CDH13: variants seen among roughly 807,000 people sequenced by gnomAD.
The protein encoded by CDH13 is cadherin-13.
CDH13 carries 24 observed loss-of-function variants against 63.8 expected under a neutral mutation model. The observed-to-expected ratio is 0.38, with a 90% CI of 0.27 to 0.53. The LOEUF is 0.53. Ranked by LOEUF, CDH13 falls within the 20% of genes least tolerant of loss-of-function variation. The pLI is 0.85. For synonymous variants in CDH13, 503 were observed against 355.3 expected, an observed-to-expected ratio of 1.42 and a Z score of -4.67; for missense variants, 1,049 against 903.1, an observed-to-expected ratio of 1.16 and a Z score of -2.07.
rs989036531 is a variant in CDH13, at chr16:83,007,113, G to C, written c.158-24897G>C. Among the ~76,000 whole-genome samples, 73 of 152,022 alleles carry C rather than the reference G, an allele frequency of 4.8e-4. 1 individual carries two copies. Among genetic ancestry groups the C allele is most frequent in the African/African-American group, 1.6e-3 (66 of 41,476 alleles). On this transcript the variant is annotated intron_variant, in intron 2 of 13. Transcript: ENST00000567109. ...TTTTTTGTATTTGTGGTAGAGACGGGGTTTCTCCATGTTGGTCAGGCTGGT... is the reference window on the plus strand; with the variant it reads ...TTTTTTGTATTTGTGGTAGAGACGGCGTTTCTCCATGTTGGTCAGGCTGGT...
intron 1 of CDH13, among the ~76,000 whole-genome samples, chr16:82,813,852 C>T (rs1285092270): frequency 1.3e-5 from 2 of 152,200 alleles, no homozygotes; most frequent in Admixed American, 1.3e-4. Flanking sequence ...CAAGTATTAG[C>T]TATTCCTCAG....
intron 7 of CDH13, among the ~76,000 whole-genome samples, chr16:83,574,515 C>G (rs1301121497): frequency 6.6e-6 from 1 of 152,122 alleles, no homozygotes; most frequent in African/African-American, 2.4e-5. Flanking sequence ...CTTACAGTTG[C>G]TGCTCTGAGA....
intron 7 of CDH13, among the ~76,000 whole-genome samples, chr16:83,588,427 T>C (rs1257529650): frequency 1.3e-5 from 2 of 152,198 alleles, no homozygotes; most frequent in African/African-American, 4.8e-5. Flanking sequence ...AGTGAACTAG[T>C]TTGTGTGATT....
intron 2 of CDH13, among the ~76,000 whole-genome samples, chr16:82,974,810 C>T (rs897476580): frequency 2.0e-5 from 3 of 152,130 alleles, no homozygotes; most frequent in Non-Finnish European, 2.9e-5. Flanking sequence ...CAGATTTGTC[C>T]CTAGAGCCTT....
chr16:83,258,811 AAAT>A (rs751819080), intron 5 of CDH13, among the ~76,000 whole-genome samples: 1 of 152,232 alleles, frequency 6.6e-6, no homozygotes, highest in Non-Finnish European at 1.5e-5. Flanking sequence ...GTGACGCTAT[AAAT>A]AACAGGCACG....
chr16:83,672,684 C>G (rs1304152978), intron 9 of CDH13, among the ~76,000 whole-genome samples: 1 of 152,084 alleles, frequency 6.6e-6, no homozygotes, highest in Admixed American at 6.6e-5. Flanking sequence ...CTTGGCCTCC[C>G]AAAGTGCTGG....
chr16:83,674,009 G>T (rs1174256573), intron 9 of CDH13, among the ~76,000 whole-genome samples: 2 of 152,180 alleles, frequency 1.3e-5, no homozygotes, highest in Non-Finnish European at 2.9e-5. Flanking sequence ...TCAGTAGGAA[G>T]GGCCTTGAGT....
chr16:82,699,839 T>C (rs2030772831), intron 1 of CDH13, among the ~76,000 whole-genome samples: 1 of 152,204 alleles, frequency 6.6e-6, no homozygotes, highest in African/African-American at 2.4e-5. Context: ...ATCTAGTTTT[T>C]ACAAACAATA....
At chr16:83,606,718 C>T (rs1395588638) in intron 8 of CDH13, among the ~76,000 whole-genome samples, 1 of 113,738 alleles carries the variant, frequency 8.8e-6, no homozygotes, top group African/African-American at 4.2e-5. Context: ...CAGAATGAGA[C>T]CCAGTTTCAA....
At chr16:83,576,334 C>A (rs1349828564) in intron 7 of CDH13, among the ~76,000 whole-genome samples, 1 of 152,214 alleles carries the variant, frequency 6.6e-6, no homozygotes, top group East Asian at 1.9e-4. Flanking sequence ...TAGCATGCAT[C>A]AGTATTTCAT....
chr16:83,019,222 A>C (rs1390040336), intron 2 of CDH13, among the ~76,000 whole-genome samples: 1 of 152,142 alleles, frequency 6.6e-6, no homozygotes, highest in Non-Finnish European at 1.5e-5. Flanking sequence ...TTATATCCTT[A>C]TTTTATAGAC....
intron 1 of CDH13, among the ~76,000 whole-genome samples, chr16:82,810,210 T>C (rs1162614478): frequency 2.0e-5 from 3 of 152,172 alleles, no homozygotes; most frequent in African/African-American, 7.2e-5. Flanking sequence ...CAAAAACGTA[T>C]CCAGTTCAAC....
At chr16:83,618,555 G>A (rs1003957766) in intron 8 of CDH13, among the ~76,000 whole-genome samples, 1 of 152,054 alleles carries the variant, frequency 6.6e-6, no homozygotes, top group Non-Finnish European at 1.5e-5. Flanking sequence ...TGCTGCTGCC[G>A]ATGAGAAACC....
intron 6 of CDH13, among the ~76,000 whole-genome samples, chr16:83,442,430 G>C (rs1030864660): frequency 6.6e-6 from 1 of 152,192 alleles, no homozygotes; most frequent in Non-Finnish European, 1.5e-5. Context: ...AGAGCACAAA[G>C]ACATCCTTGG....
rs75195648 is a variant in CDH13, at chr16:83,249,230, C to T, written c.636+31733C>T. ...CAGACTAAGGAGAGAACATCGTACC[C>T]TCTAACCCAGTGGTTGGCACGCTTG... is the stretch of plus-strand genomic sequence containing the variant. On this transcript the variant is annotated intron_variant, in intron 5 of 13. Coordinates refer to ENST00000567109, the MANE Select transcript of CDH13 (RefSeq NM_001257.5). 2.4e-4 allele frequency among the ~76,000 whole-genome samples: 36 copies of T among 152,314 alleles called. No homozygotes were observed. The East Asian group carries it at 6.8e-3, about 29-fold the overall frequency.
intron 1 of CDH13, among the ~76,000 whole-genome samples, chr16:82,728,668 G>C (rs1000698493): frequency 3.9e-5 from 6 of 152,132 alleles, no homozygotes; most frequent in African/African-American, 1.4e-4. Context: ...GGCTGATCAG[G>C]GTGGGGGTTG....
chr16:82,827,247 G>A (rs758872583), intron 1 of CDH13, among the ~76,000 whole-genome samples: 3 of 152,210 alleles, frequency 2.0e-5, no homozygotes, highest in African/African-American at 4.8e-5. Flanking sequence ...CATAAGCATC[G>A]TGTGAATTCC....
chr16:83,564,931 G>A (rs1567768061), intron 7 of CDH13, among the ~76,000 whole-genome samples: 1 of 152,128 alleles, frequency 6.6e-6, no homozygotes, highest in African/African-American at 2.4e-5. Context: ...TGTTGTTGTT[G>A]TTGTTTTGTT....
intron 10 of CDH13, among the ~76,000 whole-genome samples, chr16:83,681,085 C>T (rs1915365346): frequency 6.6e-6 from 1 of 151,846 alleles, no homozygotes; most frequent in African/African-American, 2.4e-5. Flanking sequence ...ACTCTCTGAA[C>T]CAAGCAGAAG....
Sources: allele counts gnomAD v4.1 joint callset (sites outside exome capture counted in the v4.1 genomes callset), GRCh38; gene constraint gnomAD v4.1.1; transcripts MANE v1.5; gene names NCBI Gene and HGNC (gene_info 2026-07-23, HGNC 2026-07-21).